UCHL5: variants seen among roughly 807,000 people sequenced by gnomAD.
The protein encoded by UCHL5 is ubiquitin C-terminal hydrolase L5, also known as ubiquitin carboxyl-terminal hydrolase isozyme L5.
A neutral mutation model predicts 53.8 loss-of-function variants in UCHL5; 34 were observed. The ratio of observed to expected loss-of-function variants is 0.63; its 90% CI spans 0.48 to 0.84. The LOEUF (loss-of-function observed/expected upper bound fraction) is 0.84. Among genes scored for constraint, UCHL5 ranks in the 40% least tolerant of loss-of-function variants. The pLI, the probability that UCHL5 is intolerant of heterozygous loss-of-function variation, is 0.00. For synonymous variants in UCHL5, 111 were observed against 126.3 expected (o/e 0.88, Z 0.81); for missense variants, 290 against 385.6 (o/e 0.75, Z 2.08).
Position 193,059,333 on chromosome 1 carries a change from A to C in UCHL5, c.-73T>G, listed in dbSNP as rs1414865074. ...CCCCGCACCAGCTGCCGCCGGCCAC[A>C]GATCTCAGCAAACCCGCCGCCGAGC... On this transcript the variant is annotated 5_prime_UTR_variant, in exon 1 of 11. Transcript: ENST00000367454. This position sits in a 1 kb window ranked among gnomAD's most constrained non-coding sequence, Gnocchi z 4.9. 6.2e-7 allele frequency: 1 copy of C among 1,606,376 alleles called. No homozygotes were observed. Among genetic ancestry groups the C allele is most frequent in the East Asian group, 2.2e-5 (1 of 44,636 alleles).
At chr1:193,020,355 T>C (rs1327982235) in intron 10 of UCHL5, 6 of 1,548,262 alleles carry the variant, frequency 3.9e-6, no homozygotes, top group Non-Finnish European at 5.2e-6. Flanking sequence ...ATTTGCCTAG[T>C]AGTGTCTTCT....
intron 3 of UCHL5, among the ~76,000 whole-genome samples, chr1:193,046,086 C>T (rs1667239657): frequency 6.6e-6 from 1 of 151,694 alleles, no homozygotes; most frequent in African/African-American, 2.4e-5. Context: ...GGCTGGAGTA[C>T]AGTGGCATGA....
intron 7 of UCHL5, 134 bp downstream of exon 7, chr1:193,027,951 C>T (rs760970355): frequency 4.7e-6 from 7 of 1,486,458 alleles, no homozygotes; most frequent in South Asian, 2.6e-5. Flanking sequence ...GGTGAAAACC[C>T]GTCTCTACGA....
intron 9 of UCHL5, among the ~76,000 whole-genome samples, chr1:193,022,264 T>C (rs929708839): frequency 2.0e-5 from 3 of 152,118 alleles, no homozygotes; most frequent in African/African-American, 7.2e-5. Context: ...AAAGTATCTG[T>C]TGTCTGTTAA....
chr1:193,054,781 G>C (rs1670105093), intron 1 of UCHL5, among the ~76,000 whole-genome samples: 1 of 152,150 alleles, frequency 6.6e-6, no homozygotes, highest in African/African-American at 2.4e-5. Flanking sequence ...TTCATGTTAA[G>C]GAAACACCAC....
At chr1:193,059,875 G>A, upstream of UCHL5, 2 of 1,364,948 alleles carry the variant, frequency 1.5e-6, no homozygotes, top group Non-Finnish European at 2.0e-6. This position sits in a 1 kb window ranked among gnomAD's most constrained non-coding sequence, Gnocchi z 4.9. Context: ...GCATCCCAGG[G>A]GTTGAGGCTG....
intron 10 of UCHL5, chr1:193,018,959 T>G (rs1655885310): frequency 1.7e-6 from 1 of 591,296 alleles, no homozygotes. Context: ...AATCTAATCT[T>G]TATTCTAACA....
intron 2 of UCHL5, 98 bp downstream of exon 2, chr1:193,051,656 A>T: frequency 1.6e-6 from 1 of 641,720 alleles, no homozygotes; most frequent in Non-Finnish European, 2.6e-6. Context: ...TATTCAACCT[A>T]GAGTAATCCA....
At chr1:193,027,255 G>A (rs1659623267) in intron 7 of UCHL5, among the ~76,000 whole-genome samples, 3 of 151,956 alleles carry the variant, frequency 2.0e-5, no homozygotes, top group East Asian at 1.9e-4. Context: ...AGATGTCTCT[G>A]TATTATTTCT....
At chr1:193,039,489 G>A (rs1664792594) in intron 3 of UCHL5, among the ~76,000 whole-genome samples, 2 of 152,038 alleles carry the variant, frequency 1.3e-5, no homozygotes, top group African/African-American at 4.8e-5. Flanking sequence ...CAAGTATAAA[G>A]CACTGATGAA....
intron 3 of UCHL5, among the ~76,000 whole-genome samples, chr1:193,030,069 T>C (rs1367386882): frequency 6.6e-6 from 1 of 152,204 alleles, no homozygotes; most frequent in African/African-American, 2.4e-5. Flanking sequence ...TGTGTGATTG[T>C]AGAGAAATTC....
intron 3 of UCHL5, among the ~76,000 whole-genome samples, chr1:193,042,977 T>C (rs900189741): frequency 6.6e-6 from 1 of 151,722 alleles, no homozygotes; most frequent in Admixed American, 6.6e-5. Flanking sequence ...CACAGGCAAA[T>C]TCTATAAAAG....
At chr1:193,059,478 C>G, upstream of UCHL5, 1 of 1,606,178 alleles carries the variant, frequency 6.2e-7, no homozygotes, top group Non-Finnish European at 8.5e-7. The surrounding 1 kb of genome is among the most constrained non-coding windows in gnomAD (Gnocchi z 4.9). Flanking sequence ...TCTTCCCAGG[C>G]CTTGCAGCAC....
upstream of UCHL5, chr1:193,059,575 C>G: frequency 6.7e-7 from 1 of 1,497,326 alleles, no homozygotes; most frequent in Non-Finnish European, 9.0e-7. The surrounding 1 kb of genome is among the most constrained non-coding windows in gnomAD (Gnocchi z 4.9). Flanking sequence ...ATCCTCGCCC[C>G]TCTGGGGCGG....
At chr1:193,036,354 C>T (rs1308763204) in intron 3 of UCHL5, among the ~76,000 whole-genome samples, 2 of 131,456 alleles carry the variant, frequency 1.5e-5, no homozygotes, top group Non-Finnish European at 3.2e-5. Context: ...AACAGGAGTA[C>T]TATCCTTATA....
chr1:193,059,522 A>G (rs763338014), upstream of UCHL5: 12 of 1,578,496 alleles, frequency 7.6e-6, no homozygotes, highest in Non-Finnish European at 6.0e-6. The surrounding 1 kb of genome is among the most constrained non-coding windows in gnomAD (Gnocchi z 4.9). Flanking sequence ...GGGCCTGAGA[A>G]GAAAGGGCGG....
At chr1:193,033,146 G>T (rs1662088535) in intron 3 of UCHL5, among the ~76,000 whole-genome samples, 2 of 152,160 alleles carry the variant, frequency 1.3e-5, no homozygotes, top group Non-Finnish European at 2.9e-5. Flanking sequence ...GTCAATGATA[G>T]ACTGGAAAAA....
In UCHL5 at chr1:193,029,308, G is replaced by A. The variant is rs1484109138; in HGVS notation, c.436C>T (p.Gln146Ter). ...IRQVHNSFAR[Q>*]QMFEFDTKTS... ...TTCGTATCAAATTCAAACATTTGCT[G>A]TCTACAGTAAATAAAAAAATAGTGA... is the stretch of plus-strand genomic sequence containing the variant. Residue 146 changes from glutamine (Q) to a stop codon, truncating the protein, a stop_gained and splice_region_variant, in exon 6 of 11, where the codon CAG becomes TAG. Coordinates refer to ENST00000367454, the MANE Select transcript of UCHL5 (RefSeq NM_001199261.3). LOFTEE classifies it high-confidence loss of function. The A allele has an allele frequency of 6.2e-7, 1 of 1,613,374 alleles. No individual in the cohort carries two copies.
intron 7 of UCHL5, among the ~76,000 whole-genome samples, chr1:193,026,672 G>T (rs1659362726): frequency 6.6e-6 from 1 of 151,256 alleles, no homozygotes; most frequent in South Asian, 2.1e-4. Flanking sequence ...CAGTCACTCT[G>T]GAAAAGAGTT....
Sources: gnomAD v4.1 joint callset for allele counts (sites outside exome capture counted in the v4.1 genomes callset) on GRCh38, gnomAD v4.1.1 for gene constraint, Gnocchi (gnomAD v3.1) non-coding constraint, MANE v1.5 for transcripts, NCBI Gene and HGNC (gene_info 2026-07-23, HGNC 2026-07-21) for gene names.